The following MTA3 variants were observed in gnomAD, a reference collection of about 807,000 sequenced individuals.
MTA3 encodes metastasis-associated protein MTA3.
Under a neutral mutation model 83.5 loss-of-function variants are expected in MTA3, and 34 were observed. The ratio of observed to expected loss-of-function variants is 0.41; its 90% CI spans 0.31 to 0.54. The LOEUF (loss-of-function observed/expected upper bound fraction) is 0.54, where lower values mean the gene tolerates loss of function less well. Ranked by LOEUF, MTA3 falls within the 20% of genes least tolerant of loss-of-function variation. The pLI is 0.33. For missense variants in MTA3, 761 were observed against 726.4 expected, an observed-to-expected ratio of 1.05 and a Z score of -0.55; for synonymous variants, 303 against 252.7, an observed-to-expected ratio of 1.20 and a Z score of -1.89.
chr2:42,505,769 A>AT (rs1674601706), intron 2 of MTA3, among the ~76,000 whole-genome samples: 2 of 110,398 alleles, frequency 1.8e-5, no homozygotes, highest in African/African-American at 8.3e-5. Context: ...ACAAATTGAT[A>AT]ATTTTTTTTT....
intron 2 of MTA3, among the ~76,000 whole-genome samples, chr2:42,505,829 C>T (rs1029998546): frequency 3.4e-5 from 5 of 145,868 alleles, no homozygotes; most frequent in African/African-American, 5.1e-5. Context: ...AGTGCAATGG[C>T]GTGATCTCAG....
intron 16 of MTA3, among the ~76,000 whole-genome samples, chr2:42,739,880 T>G (rs1668895948): frequency 6.6e-6 from 1 of 152,228 alleles, no homozygotes. Context: ...CTGTTCAAGT[T>G]TTATCATGAG....
At chr2:42,538,766 T>TG (rs1676380593) in intron 2 of MTA3, among the ~76,000 whole-genome samples, 2 of 94,148 alleles carry the variant, frequency 2.1e-5, no homozygotes, top group African/African-American at 4.2e-5. Context: ...ATGTTTTTTT[T>TG]GTTTTTTTTT....
intron 15 of MTA3, among the ~76,000 whole-genome samples, chr2:42,720,499 C>T (rs553628173): frequency 6.6e-6 from 1 of 151,382 alleles, no homozygotes; most frequent in Non-Finnish European, 1.5e-5. Flanking sequence ...CTTTATTTCT[C>T]AGGGGTTAAA....
At chr2:42,621,774 A>T (rs1233837311) in intron 4 of MTA3, among the ~76,000 whole-genome samples, 1 of 150,788 alleles carries the variant, frequency 6.6e-6, no homozygotes, top group African/African-American at 2.5e-5. Context: ...TTCACTTCTC[A>T]GACGGGGCGG....
chr2:42,607,769 G>C (rs1258565203), intron 3 of MTA3, among the ~76,000 whole-genome samples: 1 of 152,178 alleles, frequency 6.6e-6, no homozygotes, highest in East Asian at 1.9e-4. Context: ...TGGGCAACAT[G>C]ATGAAACCCT....
chr2:42,695,552 C>G (rs1489174210), intron 9 of MTA3, among the ~76,000 whole-genome samples: 5 of 138,212 alleles, frequency 3.6e-5, no homozygotes, highest in Non-Finnish European at 7.6e-5. Flanking sequence ...GAAGAATTGC[C>G]TGAACCCAGG....
rs575943360 is a variant in MTA3, at chr2:42,599,342, C to G, written c.191-10116C>G. Among the ~76,000 whole-genome samples, 6 of 152,266 alleles carry G rather than the reference C, an allele frequency of 3.9e-5. No homozygotes were observed. In the East Asian group the frequency reaches 1.2e-3, roughly 29 times the overall value. On this transcript the variant is annotated intron_variant, in intron 3 of 16. Coordinates refer to ENST00000405094, the MANE Select transcript of MTA3 (RefSeq NM_001330442.2). ...GGCGGCTTATGCCTGTAATCCCAAT[C>G]CCAGCACTTTGGGAGGCCGAGGCGG...
intron 16 of MTA3, among the ~76,000 whole-genome samples, chr2:42,735,025 G>T (rs1455199836): frequency 6.6e-6 from 1 of 152,090 alleles, no homozygotes; most frequent in African/African-American, 2.4e-5. Flanking sequence ...ATAATATTCT[G>T]TGTTTTTCTG....
intron 7 of MTA3, among the ~76,000 whole-genome samples, chr2:42,656,543 T>A (rs1689187810): frequency 1.3e-5 from 2 of 152,206 alleles, no homozygotes; most frequent in South Asian, 4.1e-4. Flanking sequence ...AAGAAGAAAT[T>A]CTTTATACCT....
chr2:42,557,824 T>C (rs941134391), intron 2 of MTA3, among the ~76,000 whole-genome samples: 4 of 152,156 alleles, frequency 2.6e-5, no homozygotes, highest in African/African-American at 7.2e-5. Context: ...AAGGAACTGA[T>C]AAAAAGAGCA....
intron 9 of MTA3, among the ~76,000 whole-genome samples, chr2:42,687,020 A>C (rs1692436230): frequency 6.7e-6 from 1 of 150,220 alleles, no homozygotes; most frequent in Admixed American, 6.6e-5. Flanking sequence ...CCAGCTACTC[A>C]GGAGGCTGAG....
intron 2 of MTA3, among the ~76,000 whole-genome samples, chr2:42,571,256 A>G (rs1678445710): frequency 6.7e-6 from 1 of 150,184 alleles, no homozygotes; most frequent in Non-Finnish European, 1.5e-5. Flanking sequence ...AAAATTAGCT[A>G]GGCATGGTGG....
At chr2:42,546,810 A>G (rs186288791) in intron 2 of MTA3, among the ~76,000 whole-genome samples, 25 of 152,286 alleles carry the variant, frequency 1.6e-4, no homozygotes, top group Admixed American at 1.6e-3. Context: ...TCTATTCTCA[A>G]TGTCTCACAT....
chr2:42,570,257 G>A (rs968571898), intron 1 of MTA3, among the ~76,000 whole-genome samples, 180 bp from the exon 2 acceptor site: 1 of 152,146 alleles, frequency 6.6e-6, no homozygotes, highest in African/African-American at 2.4e-5. Flanking sequence ...GAAAATAAAG[G>A]TCTGTGAATA....
In MTA3 at chr2:42,754,789, A is replaced by G; in HGVS notation, c.*1390A>G. The G allele has an allele frequency of 1.0e-6, 1 of 985,530 alleles. No individual in the cohort carries two copies. The highest frequency in any genetic ancestry group is 1.2e-6 in the Non-Finnish European group (1 of 829,972). 61.0% of individuals were successfully genotyped at this position (985,530 alleles called of 1,614,324 possible). A position where few individuals can be genotyped will look rare whatever the true frequency, so the allele number is the denominator to read the frequency against. ...CAATTGAATTGACACCCTGGGAAGC[A>G]CGAGGTAACTTGGTAAGGATAATGA... On this transcript the variant is annotated 3_prime_UTR_variant, in exon 17 of 17. Transcript: ENST00000405094.
intron 2 of MTA3, among the ~76,000 whole-genome samples, chr2:42,511,042 A>T (rs1674874811): frequency 6.6e-6 from 1 of 152,136 alleles, no homozygotes. Flanking sequence ...TGTCCCTCTA[A>T]CAATCTATTT....
At chr2:42,635,828 A>G (rs1251598305) in intron 4 of MTA3, among the ~76,000 whole-genome samples, 1 of 151,944 alleles carries the variant, frequency 6.6e-6, no homozygotes, top group Admixed American at 6.6e-5. Context: ...GTGCAGTGGC[A>G]TGATCTTGGC....
intron 2 of MTA3, among the ~76,000 whole-genome samples, chr2:42,514,707 T>TTTTTTG (rs1491195758): frequency 7.0e-6 from 1 of 143,212 alleles, no homozygotes; most frequent in African/African-American, 2.6e-5. Flanking sequence ...TTTTTTTTTT[T>TTTTTTG]GAGACAGGGT....
Sources: gnomAD v4.1 joint callset for allele counts (sites outside exome capture counted in the v4.1 genomes callset) on GRCh38, gnomAD v4.1.1 for gene constraint, MANE v1.5 for transcripts, NCBI Gene and HGNC (gene_info 2026-07-23, HGNC 2026-07-21) for gene names.